Variants in CFAP44 observed in about 807,000 individuals in gnomAD.
CFAP44 encodes cilia- and flagella-associated protein 44.
In CFAP44, 134 loss-of-function variants were observed where a neutral mutation model predicts 216.2. That is an observed-to-expected ratio of 0.62 (90% CI 0.54 to 0.72). The LOEUF is 0.72. Ranked by LOEUF, CFAP44 falls within the 30% of genes least tolerant of loss-of-function variation. CFAP44 has a pLI of 0.00. For missense variants in CFAP44, 2,035 were observed against 2,182.1 expected, an observed-to-expected ratio of 0.93 and a Z score of 1.34; for synonymous variants, 700 against 727.6, an observed-to-expected ratio of 0.96 and a Z score of 0.61.
chr3:113,389,035 T>C (rs1576585149), intron 15 of CFAP44, among the ~76,000 whole-genome samples: 1 of 152,324 alleles, frequency 6.6e-6, no homozygotes, highest in African/African-American at 2.4e-5. Context: ...ACCTAATAGA[T>C]ATTTATAGAA....
At chr3:113,410,352 A>G (rs1209622799) in intron 6 of CFAP44, among the ~76,000 whole-genome samples, 1 of 151,964 alleles carries the variant, frequency 6.6e-6, no homozygotes, top group Non-Finnish European at 1.5e-5. Context: ...CCTGTGTCCA[A>G]GTGTTCTCAT....
At position 113,381,477 on chromosome 3, in the gene CFAP44, T is replaced by C. The variant is rs555731141; in HGVS notation, c.1891-417A>G. On this transcript the variant is annotated intron_variant, in intron 15 of 34. Coordinates refer to ENST00000393845, the MANE Select transcript of CFAP44 (RefSeq NM_001164496.2). ...CGTAGTCAGTCCCATCCTACTTTAA[T>C]GGCTCATCCTCTATCTGTCTCAGTT... Among the ~76,000 whole-genome samples, 8 of 152,340 alleles carry C rather than the reference T, an allele frequency of 5.3e-5. No homozygotes were observed. In the South Asian group the frequency reaches 1.7e-3, roughly 32 times the overall value.
In CFAP44 at chr3:113,288,184, A is replaced by C. The variant is rs759071307; in HGVS notation, c.*3373T>G. On this transcript the variant is annotated 3_prime_UTR_variant, in exon 35 of 35. Coordinates refer to ENST00000393845, the MANE Select transcript of CFAP44 (RefSeq NM_001164496.2). Reference sequence around the variant, plus strand: ...TGGGGGGCCAGACCCTGGCTTTTAAACATGAAGAATTTGATAAACAGGGTC... The same window carrying C: ...TGGGGGGCCAGACCCTGGCTTTTAACCATGAAGAATTTGATAAACAGGGTC... The C allele has an allele frequency of 3.9e-5, 6 of 152,152 alleles. No individual in the cohort carries two copies. Among genetic ancestry groups the C allele is most frequent in the Non-Finnish European group, 8.8e-5 (6 of 68,040 alleles). 9.4% of individuals were successfully genotyped at this position (152,152 alleles called of 1,614,324 possible).
intron 32 of CFAP44, among the ~76,000 whole-genome samples, chr3:113,301,520 AT>A (rs1949935162): frequency 6.6e-6 from 1 of 152,196 alleles, no homozygotes; most frequent in Non-Finnish European, 1.5e-5. Flanking sequence ...TTACTAAAGT[AT>A]TTTAAAAGAT....
chr3:113,298,265 A>G (rs1949901180), intron 32 of CFAP44, among the ~76,000 whole-genome samples: 1 of 152,222 alleles, frequency 6.6e-6, no homozygotes, highest in Non-Finnish European at 1.5e-5. Context: ...AATGCTCAGT[A>G]GGGACATAAA....
chr3:113,352,494 C>A (rs1950454487), intron 22 of CFAP44, among the ~76,000 whole-genome samples: 1 of 152,132 alleles, frequency 6.6e-6, no homozygotes. Flanking sequence ...CAACTCCAAA[C>A]ACAACATGAA....
intron 6 of CFAP44, among the ~76,000 whole-genome samples, chr3:113,411,012 T>C (rs1934452024): frequency 6.6e-6 from 1 of 152,194 alleles, no homozygotes; most frequent in Non-Finnish European, 1.5e-5. Flanking sequence ...TTCTTGTAAA[T>C]TTGTTTGAGT....
At chr3:113,339,433 A>C (rs1253759036) in intron 24 of CFAP44, among the ~76,000 whole-genome samples, 2 of 152,178 alleles carry the variant, frequency 1.3e-5, no homozygotes, top group Admixed American at 1.3e-4. Context: ...AGCTGGCCAT[A>C]GGTACCACTG....
At chr3:113,416,180 G>GT (rs1190606926) in intron 6 of CFAP44, among the ~76,000 whole-genome samples, 13 of 112,390 alleles carry the variant, frequency 1.2e-4, no homozygotes, top group Non-Finnish European at 2.2e-4. Context: ...AACCCTTGGT[G>GT]TTTTTTTGTT....
chr3:113,352,127 G>C (rs1950450971), intron 22 of CFAP44, among the ~76,000 whole-genome samples: 2 of 152,186 alleles, frequency 1.3e-5, no homozygotes, highest in African/African-American at 4.8e-5. Flanking sequence ...GAACTTTTCT[G>C]TCTAGCTAGA....
chr3:113,292,443 G>A (rs1949839446), intron 34 of CFAP44, among the ~76,000 whole-genome samples: 1 of 152,146 alleles, frequency 6.6e-6, no homozygotes, highest in African/African-American at 2.4e-5. Context: ...GCCAATACCT[G>A]CCCTAGTGCT....
At chr3:113,321,353 G>A (rs528986283) in intron 28 of CFAP44, among the ~76,000 whole-genome samples, 3 of 152,126 alleles carry the variant, frequency 2.0e-5, no homozygotes, top group South Asian at 2.1e-4. Flanking sequence ...GACAGACTAG[G>A]CATTGAGGAA....
chr3:113,404,355 A>G (rs1934219238), intron 8 of CFAP44, among the ~76,000 whole-genome samples: 1 of 152,206 alleles, frequency 6.6e-6, no homozygotes, highest in Non-Finnish European at 1.5e-5. Flanking sequence ...TCTACTTTTT[A>G]AATGTAATAC....
At chr3:113,317,272 G>A (rs1033705815) in intron 28 of CFAP44, among the ~76,000 whole-genome samples, 20 of 152,206 alleles carry the variant, frequency 1.3e-4, no homozygotes, top group Admixed American at 2.6e-4. Flanking sequence ...CATGGATCCC[G>A]AGTGCCTTTG....
intron 32 of CFAP44, among the ~76,000 whole-genome samples, chr3:113,299,972 A>AG (rs1377584767): frequency 2.0e-5 from 3 of 152,356 alleles, no homozygotes; most frequent in South Asian, 4.1e-4. Context: ...TCAAGGCTGC[A>AG]GTAAGCCATG....
rs1256513927 is a variant in CFAP44, at chr3:113,290,127, C to T, written c.*1430G>A. The T allele has an allele frequency of 1.3e-5, 2 of 151,986 alleles. No individual in the cohort carries two copies. The highest frequency in any genetic ancestry group is 2.9e-5 in the Non-Finnish European group (2 of 68,022). The allele number at this position is 151,986 out of a possible 1,614,324, so 9.4% of individuals were successfully genotyped here. On this transcript the variant is annotated 3_prime_UTR_variant, in exon 35 of 35. Transcript: ENST00000393845. ...ATAAGACACTCAGGGCTATGACTAG[C>T]ATATTTTTAAAAATACTTGAAAGGC...
intron 9 of CFAP44, among the ~76,000 whole-genome samples, chr3:113,403,646 A>C (rs996566927): frequency 1.1e-4 from 16 of 152,214 alleles, no homozygotes; most frequent in Admixed American, 7.2e-4. Context: ...CCTCTCAAAA[A>C]GTTTCAGTGG....
intron 15 of CFAP44, among the ~76,000 whole-genome samples, chr3:113,388,347 A>G (rs1220938644): frequency 6.6e-6 from 1 of 152,224 alleles, no homozygotes; most frequent in Non-Finnish European, 1.5e-5. Context: ...ATAACAGGTT[A>G]TAAGATATTA....
At chr3:113,416,093 T>C (rs1934638117) in intron 6 of CFAP44, among the ~76,000 whole-genome samples, 1 of 152,182 alleles carries the variant, frequency 6.6e-6, no homozygotes, top group Non-Finnish European at 1.5e-5. Flanking sequence ...GAATTGTTCC[T>C]GTTACCATTA....
Sources: gnomAD v4.1 joint callset for allele counts (sites outside exome capture counted in the v4.1 genomes callset) on GRCh38, gnomAD v4.1.1 for gene constraint, MANE v1.5 for transcripts, NCBI Gene and HGNC (gene_info 2026-07-23, HGNC 2026-07-21) for gene names.